SEMA3A: variants seen among roughly 807,000 people sequenced by gnomAD.
SEMA3A encodes semaphorin 3A, also known as semaphorin-3A.
SEMA3A carries 29 observed loss-of-function variants against 97.9 expected under a neutral mutation model. That is an observed-to-expected ratio of 0.30 (90% CI 0.22 to 0.40). The LOEUF (loss-of-function observed/expected upper bound fraction) is 0.40. Ranked by LOEUF, SEMA3A falls within the 10% of genes least tolerant of loss-of-function variation. SEMA3A has a pLI of 1.00. For synonymous variants in SEMA3A, 321 were observed against 323.7 expected (o/e 0.99, Z 0.09); for missense variants, 763 against 951.3 (o/e 0.80, Z 2.60).
chr7:83,961,686 G>A lies in SEMA3A; in HGVS notation c.2001C>T (p.Val667=), dbSNP rs987271481. 2 of 1,613,704 alleles carry A rather than the reference G, an allele frequency of 1.2e-6. No individual in the cohort carries two copies. The highest frequency in any genetic ancestry group is 1.7e-5 in the Admixed American group (1 of 59,956). ...GTTCTTCCAAATGCTCTGTGTCAAT[G>A]ACTTCCAGGGTTACCTTAAGAAGAG... The part of the protein sequence containing the change: ...IQTLLKVTLE[V]IDTEHLEELL... Residue 667 remains valine, a synonymous_variant, in exon 17 of 17, where the codon GTC becomes GTT. Coordinates refer to ENST00000265362, the MANE Select transcript of SEMA3A (RefSeq NM_006080.3).
chr7:83,975,605 ATGT>A (rs1384715052), intron 15 of SEMA3A, among the ~76,000 whole-genome samples: 5 of 152,278 alleles, frequency 3.3e-5, no homozygotes, highest in Admixed American at 3.3e-4. Flanking sequence ...AATACTCATA[ATGT>A]TGTATTGATA....
intron 6 of SEMA3A, among the ~76,000 whole-genome samples, chr7:84,032,188 C>G (rs1275086941): frequency 2.0e-5 from 3 of 152,120 alleles, no homozygotes; most frequent in African/African-American, 7.2e-5. Context: ...CGAGTTGCCC[C>G]TGATTAGTCC....
At chr7:84,471,101 C>T (rs968877498) in intron 1 of SEMA3A, among the ~76,000 whole-genome samples, 1 of 152,030 alleles carries the variant, frequency 6.6e-6, no homozygotes, top group African/African-American at 2.4e-5. Flanking sequence ...ACCAGCAATA[C>T]ACAAATAGAC....
chr7:84,008,537 G>A (rs1051671345), intron 9 of SEMA3A, among the ~76,000 whole-genome samples: 2 of 151,346 alleles, frequency 1.3e-5, no homozygotes, highest in African/African-American at 4.9e-5. Flanking sequence ...ATTTTATTAG[G>A]CTTATAGAAA....
chr7:84,208,259 T>C (rs923711120), intron 3 of SEMA3A, among the ~76,000 whole-genome samples: 10 of 152,238 alleles, frequency 6.6e-5, no homozygotes, highest in South Asian at 6.2e-4. Context: ...GAGACCATCC[T>C]GGCTAACATG....
At chr7:84,196,786 T>C (rs1183563216), upstream of SEMA3A, among the ~76,000 whole-genome samples, 1 of 152,144 alleles carries the variant, frequency 6.6e-6, no homozygotes, top group African/African-American at 2.4e-5. Context: ...AATTATCCTA[T>C]TGAAATCTCA....
At chr7:84,097,842 T>C (rs1794823633) in intron 4 of SEMA3A, among the ~76,000 whole-genome samples, 1 of 152,116 alleles carries the variant, frequency 6.6e-6, no homozygotes, top group Non-Finnish European at 1.5e-5. Context: ...TGAATACCTA[T>C]GGCATTCGAT....
intron 1 of SEMA3A, among the ~76,000 whole-genome samples, chr7:84,470,994 T>C (rs1023517853): frequency 6.6e-6 from 1 of 152,074 alleles, no homozygotes; most frequent in Non-Finnish European, 1.5e-5. Context: ...AAAAGAGAGA[T>C]GGGCCTATTT....
At chr7:84,088,541 G>A (rs1258043745) in intron 4 of SEMA3A, among the ~76,000 whole-genome samples, 4 of 152,052 alleles carry the variant, frequency 2.6e-5, no homozygotes, top group Non-Finnish European at 5.9e-5. Flanking sequence ...GAAGATTCCT[G>A]TCTTAATTCA....
chr7:84,084,280 G>A (rs1430020126), intron 4 of SEMA3A, among the ~76,000 whole-genome samples: 1 of 151,864 alleles, frequency 6.6e-6, no homozygotes, highest in Non-Finnish European at 1.5e-5. Flanking sequence ...ATGACTACCT[G>A]GCTATTGTTT....
At chr7:84,433,069 TTTATTATTA>T (rs201217953) in intron 1 of SEMA3A, among the ~76,000 whole-genome samples, 3 of 150,480 alleles carry the variant, frequency 2.0e-5, no homozygotes, top group South Asian at 2.1e-4. Flanking sequence ...GTTATTTGAC[TTTATTATTA>T]TTATTATTAT....
chr7:84,222,952 C>T (rs182763186), intron 3 of SEMA3A, among the ~76,000 whole-genome samples: 70 of 151,854 alleles, frequency 4.6e-4, no homozygotes, highest in African/African-American at 1.6e-3. Flanking sequence ...GATTTCTACA[C>T]CAGAAACAGA....
intron 1 of SEMA3A, among the ~76,000 whole-genome samples, chr7:84,409,118 A>G (rs1804191955): frequency 6.6e-6 from 1 of 150,436 alleles, no homozygotes; most frequent in South Asian, 2.1e-4. Context: ...GATAGGTTCT[A>G]TTGTTTGACA....
chr7:84,002,114 G>A, intron 11 of SEMA3A, 68 bp from the exon 12 acceptor site: 1 of 870,280 alleles, frequency 1.1e-6, no homozygotes, highest in Non-Finnish European at 1.8e-6. Context: ...GTTAATGAAT[G>A]AAATATGTAT....
chr7:84,002,616 G>T (rs1476418213), intron 11 of SEMA3A, among the ~76,000 whole-genome samples: 1 of 152,162 alleles, frequency 6.6e-6, no homozygotes, highest in Non-Finnish European at 1.5e-5. Flanking sequence ...GCACTTAGAA[G>T]TTCCTAATGA....
At chr7:84,156,888 A>C (rs1201209036) in intron 1 of SEMA3A, among the ~76,000 whole-genome samples, 1 of 152,154 alleles carries the variant, frequency 6.6e-6, no homozygotes, top group Non-Finnish European at 1.5e-5. Flanking sequence ...ATGTATTATT[A>C]TCAAATTCTT....
chr7:84,174,522 A>T (rs185487580), intron 1 of SEMA3A, among the ~76,000 whole-genome samples: 1 of 152,340 alleles, frequency 6.6e-6, no homozygotes, highest in East Asian at 1.9e-4. Context: ...ATATACTGAA[A>T]CAACTTACGC....
At chr7:84,240,675 T>G (rs965010464) in intron 3 of SEMA3A, among the ~76,000 whole-genome samples, 1 of 152,072 alleles carries the variant, frequency 6.6e-6, no homozygotes, top group Non-Finnish European at 1.5e-5. Context: ...GTTCCATAGG[T>G]ATACATGTGC....
intron 12 of SEMA3A, among the ~76,000 whole-genome samples, chr7:83,991,649 G>A (rs28873701): frequency 7.9e-5 from 12 of 151,920 alleles, no homozygotes; most frequent in Middle Eastern, 3.4e-3. Context: ...TTGAACCAGC[G>A]TTGCATCCCA....
Sources: gnomAD v4.1 joint callset for allele counts (sites outside exome capture counted in the v4.1 genomes callset) on GRCh38, gnomAD v4.1.1 for gene constraint, MANE v1.5 for transcripts, NCBI Gene and HGNC (gene_info 2026-07-23, HGNC 2026-07-21) for gene names.